The following ITGA9 variants were observed in gnomAD, a reference collection of about 807,000 sequenced individuals.
ITGA9 encodes the protein integrin alpha-9.
A neutral mutation model predicts 127.8 loss-of-function variants in ITGA9; 56 were observed. The ratio of observed to expected loss-of-function variants is 0.44; its 90% CI spans 0.35 to 0.55. ITGA9 has a LOEUF of 0.55. Among genes scored for constraint, ITGA9 ranks in the 20% least tolerant of loss-of-function variants. The pLI is 0.00. For missense variants in ITGA9, 1,196 were observed against 1,347.1 expected (o/e 0.89, Z 1.76); for synonymous variants, 508 against 514.5 (o/e 0.99, Z 0.17).
At chr3:37,627,866 A>G (rs1215295078) in intron 15 of ITGA9, among the ~76,000 whole-genome samples, 1 of 152,150 alleles carries the variant, frequency 6.6e-6, no homozygotes, top group Non-Finnish European at 1.5e-5. Context: ...GCAGCATGAG[A>G]TGCCACCATG....
intron 16 of ITGA9, among the ~76,000 whole-genome samples, chr3:37,634,194 T>A (rs1700255591): frequency 6.6e-6 from 1 of 151,352 alleles, no homozygotes. Flanking sequence ...GAACAAAGGA[T>A]CTACAAAACA....
At chr3:37,557,568 A>C (rs1052922470) in intron 15 of ITGA9, among the ~76,000 whole-genome samples, 2 of 152,182 alleles carry the variant, frequency 1.3e-5, no homozygotes, top group Non-Finnish European at 2.9e-5. Context: ...CATGCATCCC[A>C]GGAGATTTGT....
At chr3:37,554,239 G>C (rs777824548) in intron 15 of ITGA9, among the ~76,000 whole-genome samples, 2 of 152,164 alleles carry the variant, frequency 1.3e-5, no homozygotes, top group Non-Finnish European at 2.9e-5. Flanking sequence ...ATGGGGGTCA[G>C]GGTGACCTCA....
chr3:37,777,855 T>C (rs898185001), intron 24 of ITGA9, among the ~76,000 whole-genome samples: 27 of 152,224 alleles, frequency 1.8e-4, no homozygotes, highest in Non-Finnish European at 1.6e-4. Context: ...ACAAAACGTG[T>C]GTATCCTATG....
intron 1 of ITGA9, among the ~76,000 whole-genome samples, chr3:37,463,683 G>A (rs1446264018): frequency 6.6e-6 from 1 of 152,174 alleles, no homozygotes; most frequent in Non-Finnish European, 1.5e-5. Context: ...CTTGACAAGA[G>A]AAGCTGCAAA....
chr3:37,481,338 A>G, intron 3 of ITGA9, 146 bp from the exon 4 acceptor site: 1 of 1,035,230 alleles, frequency 9.7e-7, no homozygotes, highest in East Asian at 2.4e-5. Flanking sequence ...TGATGCCCAG[A>G]AAAGTGCCTG....
intron 23 of ITGA9, among the ~76,000 whole-genome samples, chr3:37,760,309 C>T (rs1202622061): frequency 6.6e-6 from 1 of 150,822 alleles, no homozygotes; most frequent in Non-Finnish European, 1.5e-5. Flanking sequence ...ATGAACAATT[C>T]ATTAGAGGGG....
intron 17 of ITGA9, among the ~76,000 whole-genome samples, chr3:37,675,740 C>A (rs1700674608): frequency 7.2e-6 from 1 of 139,298 alleles, no homozygotes; most frequent in South Asian, 2.4e-4. Context: ...TTTTTAAAAA[C>A]TACTTTTTTT....
chr3:37,473,363 G>A lies in ITGA9; in HGVS notation c.323G>A (p.Arg108Gln), dbSNP rs757641250. 1.9e-6 allele frequency: 3 copies of A among 1,613,794 alleles called. No individual in the cohort carries two copies. The highest frequency in any genetic ancestry group is 1.1e-5 in the South Asian group (1 of 91,056). Residue 108 changes from arginine (R) to glutamine (Q), a missense_variant, in exon 3 of 28, where the codon CGG becomes CAG. By Grantham distance (43) the Arg-to-Gln change is conservative. Coordinates refer to ENST00000264741, the MANE Select transcript of ITGA9 (RefSeq NM_002207.3). Reference protein sequence around the residue: ...TELDMARGKNRGTSCGKTCRE... With the variant: ...TELDMARGKNQGTSCGKTCRE... Reference sequence around the variant, plus strand: ...TCTCCTCTTTCTCCAGGGAAGAATCGGGGCACGTCCTGCGGAAAGACCTGC... The same window carrying A: ...TCTCCTCTTTCTCCAGGGAAGAATCAGGGCACGTCCTGCGGAAAGACCTGC...
intron 14 of ITGA9, among the ~76,000 whole-genome samples, chr3:37,536,153 G>A (rs760101142): frequency 6.6e-6 from 1 of 152,228 alleles, no homozygotes; most frequent in Non-Finnish European, 1.5e-5. Context: ...TTCCATCCAA[G>A]CTCAGCAGAG....
At position 37,777,534 on chromosome 3, in the gene ITGA9, T is replaced by A; in HGVS notation, c.2667+17T>A. 2 of 1,613,988 alleles carry A rather than the reference T, an allele frequency of 1.2e-6. No homozygotes were observed. The highest frequency in any genetic ancestry group is 1.3e-5 in the African/African-American group (1 of 75,064). ...AAAGTCTTGGTAAGGATTTGTTTAG[T>A]GGTTGGGGTAACACGGGTGGTCCTC... On this transcript the variant is annotated intron_variant, in intron 24 of 27. Transcript: ENST00000264741.
intron 18 of ITGA9, among the ~76,000 whole-genome samples, chr3:37,693,695 A>G (rs1700855128): frequency 2.6e-5 from 4 of 152,164 alleles, no homozygotes; most frequent in Admixed American, 2.0e-4. Context: ...CCATACAGAA[A>G]CTGCATCTGG....
At chr3:37,603,182 T>C (rs1472110853) in intron 15 of ITGA9, among the ~76,000 whole-genome samples, 1 of 152,216 alleles carries the variant, frequency 6.6e-6, no homozygotes, top group East Asian at 1.9e-4. Flanking sequence ...CTCAGTACAG[T>C]CTGCCCTTTG....
At chr3:37,770,384 A>G (rs1457648789) in intron 23 of ITGA9, among the ~76,000 whole-genome samples, 1 of 152,164 alleles carries the variant, frequency 6.6e-6, no homozygotes, top group Non-Finnish European at 1.5e-5. Context: ...CTGCCTCTTC[A>G]GTGTTCAAAC....
chr3:37,685,599 T>C lies in ITGA9; in HGVS notation c.2067+1584T>C, dbSNP rs1700775574. On this transcript the variant is annotated intron_variant, in intron 18 of 27. Transcript: ENST00000264741. ...GGGGGAAAGGGGCTTCCTTGGGGAT[T>C]TGATCTGTGGAACTCATCTCTGTGG... Among the ~76,000 whole-genome samples, 4 of 152,290 alleles carry C rather than the reference T, an allele frequency of 2.6e-5. No homozygotes were observed. The South Asian group carries it at 8.3e-4, about 32-fold the overall frequency.
Position 37,629,344 on chromosome 3 carries a change from C to A in ITGA9, c.1839+8C>A. 6.2e-7 allele frequency: 1 copy of A among 1,613,886 alleles called. No individual in the cohort carries two copies. The highest frequency in any genetic ancestry group is 8.5e-7 in the Non-Finnish European group (1 of 1,179,946). On this transcript the variant is annotated splice_region_variant and intron_variant, in intron 16 of 27. Transcript: ENST00000264741. The surrounding 1 kb of genome is among the most constrained non-coding windows in gnomAD (Gnocchi z 4.5). Reference sequence around the variant, plus strand: ...ATTGCCCAAAAGAATCAGGTCAGAACCTTAAAGCTCATACTCAGCACCCAA... The same window carrying A: ...ATTGCCCAAAAGAATCAGGTCAGAAACTTAAAGCTCATACTCAGCACCCAA...
At chr3:37,652,189 C>T (rs886920127) in intron 16 of ITGA9, among the ~76,000 whole-genome samples, 5 of 151,956 alleles carry the variant, frequency 3.3e-5, no homozygotes, top group Non-Finnish European at 5.9e-5. Flanking sequence ...GGGGCCATGT[C>T]AGCTGGGGAC....
intron 20 of ITGA9, 39 bp downstream of exon 20, chr3:37,737,022 G>A (rs760849676): frequency 2.4e-6 from 3 of 1,269,428 alleles, no homozygotes; most frequent in Non-Finnish European, 3.5e-6. Flanking sequence ...AAAGATGAGA[G>A]ATTTATGGGA....
chr3:37,620,504 A>G (rs1422334536), intron 15 of ITGA9, among the ~76,000 whole-genome samples: 2 of 152,092 alleles, frequency 1.3e-5, no homozygotes, highest in Non-Finnish European at 1.5e-5. Flanking sequence ...TCTTCACAAC[A>G]AGCATGCAAG....
Sources: gnomAD v4.1 joint callset for allele counts (sites outside exome capture counted in the v4.1 genomes callset) on GRCh38, gnomAD v4.1.1 for gene constraint, Gnocchi (gnomAD v3.1) non-coding constraint, MANE v1.5 for transcripts, NCBI Gene and HGNC (gene_info 2026-07-23, HGNC 2026-07-21) for gene names.